Variants in ASS1 observed in about 807,000 individuals in gnomAD.
The protein encoded by ASS1 is argininosuccinate synthase 1, also known as argininosuccinate synthase.
Under a neutral mutation model 60.5 loss-of-function variants are expected in ASS1, and 58 were observed. That is an observed-to-expected ratio of 0.96 (90% confidence interval 0.78 to 1.19). The LOEUF (loss-of-function observed/expected upper bound fraction) is 1.19, where lower values mean the gene tolerates loss of function less well. Among genes scored for constraint, ASS1 ranks in the 50% most tolerant of loss-of-function variants. The pLI, the probability that ASS1 is intolerant of heterozygous loss-of-function variation, is 0.00. For synonymous variants in ASS1, 200 were observed against 206.9 expected (o/e 0.97, Z 0.29); for missense variants, 454 against 547.3 (o/e 0.83, Z 1.70).
chr9:130,447,134 T>C (rs1319979636), intron 1 of ASS1, among the ~76,000 whole-genome samples: 3 of 152,318 alleles, frequency 2.0e-5, no homozygotes, highest in South Asian at 4.1e-4. Flanking sequence ...AGTGGGCAGG[T>C]TGGCCATGAC....
chr9:130,467,239 C>T (rs1050690801), intron 6 of ASS1, among the ~76,000 whole-genome samples: 9 of 152,330 alleles, frequency 5.9e-5, no homozygotes, highest in Admixed American at 2.0e-4. Flanking sequence ...TTGCCCCTAG[C>T]GCTTTCCCCG....
At position 130,494,792 on chromosome 9, in the gene ASS1, C is replaced by T. The variant is rs1846537835; in HGVS notation, c.971-75C>T. 4.5e-6 allele frequency: 7 copies of T among 1,568,984 alleles called. No individual in the cohort carries two copies. In the South Asian group the frequency reaches 6.7e-5, roughly 15 times the overall value. On this transcript the variant is annotated intron_variant, in intron 12 of 14. Transcript: ENST00000352480. This position sits in a 1 kb window ranked among gnomAD's most constrained non-coding sequence, Gnocchi z 4.3. ...GCGGGGTAAACCATGGGGCACCCTTCCTGTGCCCCAGGTCTCCCTGTGTCC... is the reference window on the plus strand; with the variant it reads ...GCGGGGTAAACCATGGGGCACCCTTTCTGTGCCCCAGGTCTCCCTGTGTCC...
At chr9:130,463,804 C>T (rs1845661317) in intron 4 of ASS1, among the ~76,000 whole-genome samples, 1 of 152,164 alleles carries the variant, frequency 6.6e-6, no homozygotes. Flanking sequence ...TCTGGGGCTG[C>T]AGGAGCAGGG....
At chr9:130,447,453 C>T (rs187333980) in intron 1 of ASS1, among the ~76,000 whole-genome samples, 70 of 152,360 alleles carry the variant, frequency 4.6e-4, no homozygotes, top group Non-Finnish European at 9.4e-4. Context: ...GTCAAGTGAG[C>T]GCCCAGGCTG....
At chr9:130,492,068 T>TAA (rs2118872334) in intron 12 of ASS1, among the ~76,000 whole-genome samples, 1 of 152,336 alleles carries the variant, frequency 6.6e-6, no homozygotes, top group South Asian at 2.1e-4. Flanking sequence ...GGGTGAGGAC[T>TAA]AAAAGTATGA....
intron 11 of ASS1, among the ~76,000 whole-genome samples, chr9:130,481,381 T>G (rs2118844814): frequency 6.6e-6 from 1 of 152,274 alleles, no homozygotes; most frequent in East Asian, 1.9e-4. Flanking sequence ...GCTTCCTGTT[T>G]CGGTAAATGT....
chr9:130,483,754 G>A (rs922796300), intron 11 of ASS1, among the ~76,000 whole-genome samples: 1 of 43,294 alleles, frequency 2.3e-5, no homozygotes, highest in Non-Finnish European at 4.2e-5. Context: ...CCTCCTCCTT[G>A]CCTTCCTTTC....
chr9:130,450,430 C>A, intron 1 of ASS1: 1 of 836,408 alleles, frequency 1.2e-6, no homozygotes, highest in Non-Finnish European at 1.4e-6. Flanking sequence ...TGGATACCAC[C>A]TGCTGGCTCC....
In ASS1 at chr9:130,489,785, C is replaced by T. The variant is rs916030186; in HGVS notation, c.970+321C>T. Among the ~76,000 whole-genome samples the T allele has an allele frequency of 7.2e-5, 11 of 152,352 alleles. No homozygotes were observed. Among genetic ancestry groups the T allele is most frequent in the South Asian group, 2.1e-4 (1 of 4,828 alleles). On this transcript the variant is annotated intron_variant, in intron 12 of 14. Coordinates refer to ENST00000352480, the MANE Select transcript of ASS1 (RefSeq NM_054012.4). The surrounding 1 kb of genome is among the most constrained non-coding windows in gnomAD (Gnocchi z 4.1). ...GCAATGCCAGGCACTGGGCACTGTGCGGCGACATGCATCACCCCGCATGGT... is the reference window on the plus strand; with the variant it reads ...GCAATGCCAGGCACTGGGCACTGTGTGGCGACATGCATCACCCCGCATGGT...
At chr9:130,483,643 TTC>T (rs1463272836) in intron 11 of ASS1, among the ~76,000 whole-genome samples, 2 of 150,870 alleles carry the variant, frequency 1.3e-5, no homozygotes, top group African/African-American at 2.4e-5. Context: ...CTCAGCCTCT[TTC>T]TCTGTCTCCT....
intron 13 of ASS1, among the ~76,000 whole-genome samples, chr9:130,496,854 A>G (rs1323316359): frequency 1.3e-5 from 2 of 152,252 alleles, no homozygotes; most frequent in Non-Finnish European, 2.9e-5. Flanking sequence ...TGGGACAGAC[A>G]GCCCCCACTA....
At chr9:130,495,548 C>T (rs970947720) in intron 13 of ASS1, among the ~76,000 whole-genome samples, 1 of 150,146 alleles carries the variant, frequency 6.7e-6, no homozygotes, top group African/African-American at 2.5e-5. Context: ...CTTTGCTATT[C>T]AAACAATAGC....
At chr9:130,454,247 G>C in intron 2 of ASS1, 58 bp from the exon 3 acceptor site, 1 of 1,556,692 alleles carries the variant, frequency 6.4e-7, no homozygotes, top group Admixed American at 1.8e-5. Context: ...CATGCGGATG[G>C]TGTGAACTCA....
chr9:130,499,558 T>G lies in ASS1; in HGVS notation c.1181T>G (p.Ile394Ser). ...ACTGATGCCACCGGGTTCATCAACA[T>G]CAATTCCCTCAGGTGAGAAGCTCAG... ...EPTDATGFIN[I>S]NSLRLKEYHR... Residue 394 changes from isoleucine (I) to serine (S), a missense_variant, in exon 14 of 15, where the codon ATC becomes AGC. Transcript: ENST00000352480. 1 of 1,613,538 alleles carries G rather than the reference T, an allele frequency of 6.2e-7. No homozygotes were observed. Among genetic ancestry groups the G allele is most frequent in the Non-Finnish European group, 8.5e-7 (1 of 1,179,826 alleles).
In ASS1 at chr9:130,489,769, G is replaced by A. The variant is rs1846403266; in HGVS notation, c.970+305G>A. ...AGTTTGCATGACTGCAGCAATGCCA[G>A]GCACTGGGCACTGTGCGGCGACATG... On this transcript the variant is annotated intron_variant, in intron 12 of 14. Coordinates refer to ENST00000352480, the MANE Select transcript of ASS1 (RefSeq NM_054012.4). The surrounding 1 kb of genome is among the most constrained non-coding windows in gnomAD (Gnocchi z 4.1). Among the ~76,000 whole-genome samples, 1 of 152,230 alleles carries A rather than the reference G, an allele frequency of 6.6e-6. No homozygotes were observed. Among genetic ancestry groups the A allele is most frequent in the African/African-American group, 2.4e-5 (1 of 41,462 alleles).
chr9:130,464,255 C>T, intron 5 of ASS1, 88 bp downstream of exon 5: 2 of 1,483,322 alleles, frequency 1.3e-6, no homozygotes, highest in South Asian at 1.1e-5. Flanking sequence ...GGAGATTCCA[C>T]AGGACAGGCA....
At chr9:130,474,269 T>C (rs924504518) in intron 8 of ASS1, among the ~76,000 whole-genome samples, 1 of 152,150 alleles carries the variant, frequency 6.6e-6, no homozygotes. Context: ...TAATCGGCGC[T>C]GTCAGGTGCC....
rs1845345016 is a variant in ASS1, at chr9:130,452,256, G to C, written c.28G>C (p.Ala10Pro). 6.2e-7 allele frequency: 1 copy of C among 1,614,188 alleles called. No homozygotes were observed. The highest frequency in any genetic ancestry group is 1.3e-5 in the African/African-American group (1 of 75,052). Residue 10 changes from alanine to proline, a missense_variant, in exon 2 of 15, where the codon GCC becomes CCC. Coordinates refer to ENST00000352480, the MANE Select transcript of ASS1 (RefSeq NM_054012.4). MSSKGSVVLAYSGGLDTSCI... is the reference protein window; with the variant it reads MSSKGSVVLPYSGGLDTSCI... ...GTCCAGCAAAGGCTCCGTGGTTCTG[G>C]CCTACAGTGGCGGCCTGGACACCTC...
chr9:130,450,764 G>A (rs1845307456), intron 1 of ASS1, among the ~76,000 whole-genome samples: 1 of 152,234 alleles, frequency 6.6e-6, no homozygotes, highest in Non-Finnish European at 1.5e-5. Flanking sequence ...CACAGAGAGT[G>A]CTCAGGATAG....
Sources: allele counts gnomAD v4.1 joint callset (sites outside exome capture counted in the v4.1 genomes callset), GRCh38; gene constraint gnomAD v4.1.1; non-coding constraint Gnocchi (gnomAD v3.1); transcripts MANE v1.5; gene names NCBI Gene and HGNC (gene_info 2026-07-23, HGNC 2026-07-21).